The following ADGRB3 variants were observed in gnomAD, a reference collection of about 807,000 sequenced individuals.
ADGRB3 encodes the protein brain-specific angiogenesis inhibitor 3.
A neutral mutation model predicts 193.4 loss-of-function variants in ADGRB3; 37 were observed. That is an observed-to-expected ratio of 0.19 (90% CI 0.15 to 0.25). ADGRB3 has a LOEUF of 0.25. ADGRB3 is among the 10% of genes least tolerant of loss of function. The pLI, the probability that ADGRB3 is intolerant of heterozygous loss-of-function variation, is 1.00. For missense variants in ADGRB3, 1,637 were observed against 1,852.9 expected (o/e 0.88, Z 2.14); for synonymous variants, 690 against 644.2 (o/e 1.07, Z -1.08).
At chr6:68,704,430 T>G (rs1382494063) in intron 3 of ADGRB3, among the ~76,000 whole-genome samples, 1 of 152,212 alleles carries the variant, frequency 6.6e-6, no homozygotes, top group African/African-American at 2.4e-5. Flanking sequence ...ATTCACCTAC[T>G]TTAAAGCTTT....
intron 3 of ADGRB3, among the ~76,000 whole-genome samples, chr6:68,923,245 T>A (rs1219182539): frequency 6.6e-6 from 1 of 152,042 alleles, no homozygotes; most frequent in Non-Finnish European, 1.5e-5. Flanking sequence ...GATTCTCTTT[T>A]AATAAAGCAT....
rs191592991 is a variant in ADGRB3, at chr6:69,125,353, G to A, written c.2480+49315G>A. ...TGCTTTGTGTACAACTGCTATAGTC[G>A]GAATGTTTTTGTCCCTCACATTCAT... On this transcript the variant is annotated intron_variant, in intron 17 of 31. Transcript: ENST00000370598. Among the ~76,000 whole-genome samples, 155 of 152,176 alleles carry A rather than the reference G, an allele frequency of 1.0e-3. 1 individual carries two copies. The highest frequency in any genetic ancestry group is 3.5e-3 in the African/African-American group (145 of 41,508).
At chr6:69,074,630 C>T (rs1772174405) in intron 16 of ADGRB3, among the ~76,000 whole-genome samples, 1 of 151,534 alleles carries the variant, frequency 6.6e-6, no homozygotes, top group African/African-American at 2.4e-5. Flanking sequence ...CTGCAAGCTC[C>T]ACCTCCTGGG....
rs143222818 is a variant in ADGRB3, at chr6:69,164,518, T to G, written c.2481-68772T>G. On this transcript the variant is annotated intron_variant, in intron 17 of 31. Coordinates refer to ENST00000370598, the MANE Select transcript of ADGRB3 (RefSeq NM_001704.3). ...TTTATTACTTTGTAACTTGCAAACC[T>G]CAAGTTAGCATAAGATTTATCTCTG... Among the ~76,000 whole-genome samples, 16 of 152,186 alleles carry G rather than the reference T, an allele frequency of 1.1e-4. No individual in the cohort carries two copies. The East Asian group carries it at 2.3e-3, about 22-fold the overall frequency.
At chr6:69,142,126 TATA>T (rs1166648406) in intron 17 of ADGRB3, among the ~76,000 whole-genome samples, 16 of 152,244 alleles carry the variant, frequency 1.1e-4, no homozygotes, top group Admixed American at 9.8e-4. Flanking sequence ...TTTTTAAAAA[TATA>T]ATATCTTTAG....
Position 69,098,587 on chromosome 6 carries a change from C to T in ADGRB3, c.2480+22549C>T, listed in dbSNP as rs540524249. ...GGAAGTGCCACACTTTTAAACCATC[C>T]GATCTCATGAGAACTCACTCACTAT... On this transcript the variant is annotated intron_variant, in intron 17 of 31. Transcript: ENST00000370598. Among the ~76,000 whole-genome samples, 26 of 152,128 alleles carry T rather than the reference C, an allele frequency of 1.7e-4. 1 individual carries two copies. The South Asian group carries it at 5.2e-3, about 30-fold the overall frequency.
intron 5 of ADGRB3, among the ~76,000 whole-genome samples, chr6:68,941,574 C>G (rs1369971753): frequency 6.8e-6 from 1 of 147,042 alleles, no homozygotes; most frequent in Non-Finnish European, 1.5e-5. Context: ...TATGATTTGA[C>G]AGAAAAAAAA....
intron 3 of ADGRB3, among the ~76,000 whole-genome samples, chr6:68,861,740 C>T (rs530308187): frequency 6.6e-6 from 1 of 152,224 alleles, no homozygotes; most frequent in South Asian, 2.1e-4. Flanking sequence ...ATTAGTCTAA[C>T]ATAATTGTTA....
chr6:68,878,610 A>C (rs923023883), intron 3 of ADGRB3, among the ~76,000 whole-genome samples: 22 of 152,288 alleles, frequency 1.4e-4, no homozygotes, highest in African/African-American at 4.6e-4. Flanking sequence ...TTGTGTTGTA[A>C]AAGTCATGTA....
In ADGRB3 at chr6:68,803,475, C is replaced by T. The variant is rs141141821; in HGVS notation, c.758-127084C>T. On this transcript the variant is annotated intron_variant, in intron 3 of 31. Coordinates refer to ENST00000370598, the MANE Select transcript of ADGRB3 (RefSeq NM_001704.3). ...GAATTGCTCAACCTCCAAATATATC[C>T]ACGTCTTCACTCCAGCTTTCCTCTC... Among the ~76,000 whole-genome samples the T allele has an allele frequency of 3.3e-3, 503 of 152,168 alleles. 2 individuals are homozygous for T. Among genetic ancestry groups the T allele is most frequent in the Non-Finnish European group, 5.1e-3 (348 of 67,988 alleles).
At chr6:68,701,584 A>G (rs1203960721) in intron 3 of ADGRB3, among the ~76,000 whole-genome samples, 1 of 152,212 alleles carries the variant, frequency 6.6e-6, no homozygotes, top group African/African-American at 2.4e-5. Context: ...TGTGGCTATT[A>G]TTATAGCTCC....
chr6:68,988,564 A>G (rs1769143116), intron 10 of ADGRB3, among the ~76,000 whole-genome samples: 1 of 152,150 alleles, frequency 6.6e-6, no homozygotes, highest in Non-Finnish European at 1.5e-5. Context: ...ATATTTTCAA[A>G]TATTGACTTA....
intron 3 of ADGRB3, among the ~76,000 whole-genome samples, chr6:68,890,979 T>G (rs1766060592): frequency 6.6e-6 from 1 of 152,164 alleles, no homozygotes; most frequent in Non-Finnish European, 1.5e-5. Flanking sequence ...TAGTCCGTTT[T>G]CATGCTGTTG....
chr6:69,246,152 A>G (rs1766494800), intron 20 of ADGRB3, among the ~76,000 whole-genome samples: 1 of 152,086 alleles, frequency 6.6e-6, no homozygotes, highest in South Asian at 2.1e-4. Context: ...TTTTTTCTTC[A>G]TAAGAATATA....
chr6:69,047,307 T>C (rs1771265076), intron 13 of ADGRB3, among the ~76,000 whole-genome samples: 2 of 151,936 alleles, frequency 1.3e-5, no homozygotes, highest in African/African-American at 4.8e-5. Context: ...CACTTCATTA[T>C]TGAAAATGCT....
At chr6:68,816,836 C>A (rs139212562) in intron 3 of ADGRB3, among the ~76,000 whole-genome samples, 2 of 152,104 alleles carry the variant, frequency 1.3e-5, no homozygotes, top group Non-Finnish European at 2.9e-5. Context: ...TTTAAAATTC[C>A]TTTTAATGGA....
intron 3 of ADGRB3, among the ~76,000 whole-genome samples, chr6:68,804,584 A>G (rs558115391): frequency 2.0e-5 from 3 of 152,284 alleles, no homozygotes; most frequent in Non-Finnish European, 4.4e-5. Context: ...ATTTGATAAG[A>G]TTCTGTCCTC....
rs770500994 is a variant in ADGRB3 at position 69,232,618 on chromosome 6, T to C, written c.2481-672T>C. ...GAGCTGGACTGAGTGAAGTGTGGAG[T>C]AGGAAGCTTAGGTCTGAAACCCACC... is the stretch of plus-strand genomic sequence containing the variant. On this transcript the variant is annotated intron_variant, in intron 17 of 31. Coordinates refer to ENST00000370598, the MANE Select transcript of ADGRB3 (RefSeq NM_001704.3). 5 of 1,535,142 alleles carry C rather than the reference T, an allele frequency of 3.3e-6. No individual in the cohort carries two copies. The South Asian group carries it at 4.8e-5, about 15-fold the overall frequency.
intron 13 of ADGRB3, among the ~76,000 whole-genome samples, chr6:69,042,213 ACAGT>A (rs1771093881): frequency 6.6e-6 from 1 of 152,196 alleles, no homozygotes; most frequent in Non-Finnish European, 1.5e-5. Context: ...TGCAGAACTG[ACAGT>A]CAATTAAACC....
Sources: allele counts gnomAD v4.1 joint callset (sites outside exome capture counted in the v4.1 genomes callset), GRCh38; gene constraint gnomAD v4.1.1; transcripts MANE v1.5; gene names NCBI Gene and HGNC (gene_info 2026-07-23, HGNC 2026-07-21).